PCDHGB6: variants seen among roughly 807,000 people sequenced by gnomAD.
The protein encoded by PCDHGB6 is protocadherin gamma subfamily B, 6, also known as protocadherin gamma-B6.
A neutral mutation model predicts 59.1 loss-of-function variants in PCDHGB6; 51 were observed. The observed-to-expected ratio is 0.86, with a 90% confidence interval of 0.69 to 1.09. The LOEUF is 1.09. Ranked by LOEUF, PCDHGB6 falls within the 50% of genes least tolerant of loss-of-function variation. PCDHGB6 has a pLI of 0.00. For synonymous variants in PCDHGB6, 466 were observed against 495.1 expected, an observed-to-expected ratio of 0.94 and a Z score of 0.78; for missense variants, 1,148 against 1,205.1, an observed-to-expected ratio of 0.95 and a Z score of 0.70.
At chr5:141,505,827 TCA>T (rs1197972266) in intron 3 of PCDHGB6, among the ~76,000 whole-genome samples, 4 of 152,072 alleles carry the variant, frequency 2.6e-5, no homozygotes, top group South Asian at 4.1e-4. Context: ...TCTCTAAACC[TCA>T]GTTTCCTCAG....
rs1046764113 is a variant in PCDHGB6, at chr5:141,495,395, G to A, written c.2477+530G>A. Among the ~76,000 whole-genome samples the A allele has an allele frequency of 4.1e-4, 62 of 152,326 alleles. 1 individual carries two copies. The highest frequency in any genetic ancestry group is 1.4e-3 in the African/African-American group (57 of 41,576). On this transcript the variant is annotated intron_variant, in intron 2 of 3. Transcript: ENST00000520790. Reference sequence around the variant, plus strand: ...GAGGAAGGACTGGGCGGGGCATGGAGCAGGCCCCCTTCTCCGGCCCCTCCT... The same window carrying A: ...GAGGAAGGACTGGGCGGGGCATGGAACAGGCCCCCTTCTCCGGCCCCTCCT...
At chr5:141,446,035 A>G (rs1300621298) in intron 1 of PCDHGB6, among the ~76,000 whole-genome samples, 1 of 152,222 alleles carries the variant, frequency 6.6e-6, no homozygotes, top group Non-Finnish European at 1.5e-5. Context: ...CTGGTAAGAA[A>G]TGGAAGAAGA....
chr5:141,425,943 C>T (rs2096904576), intron 1 of PCDHGB6, among the ~76,000 whole-genome samples: 1 of 152,220 alleles, frequency 6.6e-6, no homozygotes, highest in African/African-American at 2.4e-5. Flanking sequence ...TGTCTAGTTT[C>T]CTATACATTA....
At chr5:141,433,640 A>C (rs2097637476) in intron 1 of PCDHGB6, among the ~76,000 whole-genome samples, 2 of 152,138 alleles carry the variant, frequency 1.3e-5, no homozygotes, top group South Asian at 2.1e-4. Flanking sequence ...GTTTGAGACC[A>C]GCCTGACCAA....
Position 141,475,871 on chromosome 5 carries a change from A to C in PCDHGB6, c.2419-18936A>C, listed in dbSNP as rs568810142. 35 of 513,270 alleles carry C rather than the reference A, an allele frequency of 6.8e-5. No individual in the cohort carries two copies. The East Asian group carries it at 1.1e-3, about 16-fold the overall frequency. The allele number at this position is 513,270 out of a possible 1,614,324, so 31.8% of individuals were successfully genotyped here. The stretch of plus-strand genomic sequence containing the variant: ...CCCGGCGCTAGCTCATTCTTCGTGC[A>C]GTTATTGGCTGGGACTCTGTGTGCC... On this transcript the variant is annotated intron_variant, in intron 1 of 3. Transcript: ENST00000520790.
intron 1 of PCDHGB6, among the ~76,000 whole-genome samples, chr5:141,451,542 G>A (rs1023356681): frequency 3.3e-5 from 5 of 152,148 alleles, no homozygotes; most frequent in Non-Finnish European, 7.3e-5. Context: ...GCCAGAGAGG[G>A]CAAATGTGAT....
chr5:141,413,485 G>C lies in PCDHGB6; in HGVS notation c.2418+2865G>C, dbSNP rs184712199. ...CCGGGAGGAGCTCTGCGCTCAGAGC[G>C]CGCGGTGCGTGGTGAGTTTTAATAT... is the stretch of plus-strand genomic sequence containing the variant. On this transcript the variant is annotated intron_variant, in intron 1 of 3. Coordinates refer to ENST00000520790, the MANE Select transcript of PCDHGB6 (RefSeq NM_018926.3). 439 of 1,614,058 alleles carry C rather than the reference G, an allele frequency of 2.7e-4. 1 individual carries two copies. In the African/African-American group the frequency reaches 4.6e-3, roughly 17 times the overall value.
intron 1 of PCDHGB6, 115 bp from the exon 2 acceptor site, chr5:141,494,692 C>G: frequency 6.3e-7 from 1 of 1,581,934 alleles, no homozygotes; most frequent in South Asian, 1.1e-5. Context: ...CCTCTTAGTC[C>G]GTTTTCTTCT....
intron 1 of PCDHGB6, chr5:141,422,727 G>T (rs373180311): frequency 6.3e-5 from 102 of 1,606,434 alleles, no homozygotes; most frequent in Non-Finnish European, 2.0e-5. Context: ...TCCAGGGGGT[G>T]CCTCTGTCCT....
chr5:141,485,340 C>A lies in PCDHGB6; in HGVS notation c.2419-9467C>A. 1 of 1,614,076 alleles carries A rather than the reference C, an allele frequency of 6.2e-7. No individual in the cohort carries two copies. On this transcript the variant is annotated intron_variant, in intron 1 of 3. Transcript: ENST00000520790. The surrounding 1 kb of genome is among the most constrained non-coding windows in gnomAD (Gnocchi z 5.7). ...GTCGCTCAAGATTTCCTGCTGGATA[C>A]GGACAGTCTGTCAGCTCGCAGGCTG...
At chr5:141,419,751 C>T (rs140649685) in intron 1 of PCDHGB6, 1 of 1,613,900 alleles carries the variant, frequency 6.2e-7, no homozygotes, top group African/African-American at 1.3e-5. Flanking sequence ...ATGGTGCGTG[C>T]TTTGGGTGAC....
At position 141,409,535 on chromosome 5, in the gene PCDHGB6, A is replaced by G. The variant is rs745624722; in HGVS notation, c.1333A>G (p.Ile445Val). 5 of 1,613,894 alleles carry G rather than the reference A, an allele frequency of 3.1e-6. No homozygotes were observed. The African/African-American group carries it at 4.0e-5, about 13-fold the overall frequency. ...AAGCATCACCTTGTATGTCGCTGAC[A>G]TCAACGACAACGCCCCAGTTTTCGA... ...SRSITLYVAD[I>V]NDNAPVFDQT... Residue 445 changes from isoleucine (I) to valine (V), a missense_variant, in exon 1 of 4, where the codon ATC becomes GTC. By Grantham distance (29) the Ile-to-Val change is conservative. Around this residue, in one of 5 missense-constraint regions of PCDHGB6, gnomAD observed 549 missense variants for 527.5 expected, o/e 1.04. Coordinates refer to ENST00000520790, the MANE Select transcript of PCDHGB6 (RefSeq NM_018926.3).
intron 1 of PCDHGB6, chr5:141,423,700 G>A (rs753612385): frequency 7.5e-7 from 1 of 1,324,816 alleles, no homozygotes; most frequent in Non-Finnish European, 9.8e-7. Context: ...TTGGTGTCTT[G>A]GCACAAGTCT....
rs115262984 is a variant in PCDHGB6 at position 141,463,089 on chromosome 5, C to T, written c.2419-31718C>T. ...AATGAAATTCAAACATTTTCCAGCC[C>T]TATGTGACCATCAAGAATTCAGCTA... On this transcript the variant is annotated intron_variant, in intron 1 of 3. Coordinates refer to ENST00000520790, the MANE Select transcript of PCDHGB6 (RefSeq NM_018926.3). Among the ~76,000 whole-genome samples the T allele has an allele frequency of 2.5e-3, 374 of 152,264 alleles. 2 individuals are homozygous for T. Among genetic ancestry groups the T allele is most frequent in the African/African-American group, 8.7e-3 (360 of 41,552 alleles).
intron 1 of PCDHGB6, among the ~76,000 whole-genome samples, chr5:141,483,340 C>T (rs906468552): frequency 5.9e-5 from 9 of 152,036 alleles, no homozygotes; most frequent in Non-Finnish European, 1.2e-4. Flanking sequence ...GATCTTATCT[C>T]TTTGCAATAG....
intron 1 of PCDHGB6, chr5:141,414,822 C>A: frequency 6.2e-7 from 1 of 1,614,240 alleles, no homozygotes; most frequent in Non-Finnish European, 8.5e-7. Context: ...TCAGCAGCAA[C>A]GTGTCGTTGA....
At position 141,471,885 on chromosome 5, in the gene PCDHGB6, A is replaced by G. The variant is rs180968509; in HGVS notation, c.2419-22922A>G. ...ACTGTGGTTGCCTGAGGCTGAAGCT[A>G]GGAAGATTGACTACAGACAAGCATG... On this transcript the variant is annotated intron_variant, in intron 1 of 3. Transcript: ENST00000520790. Among the ~76,000 whole-genome samples the G allele has an allele frequency of 1.9e-3, 294 of 152,338 alleles. 1 individual carries two copies. Among genetic ancestry groups the G allele is most frequent in the Middle Eastern group, 0.017 (5 of 294 alleles).
intron 1 of PCDHGB6, among the ~76,000 whole-genome samples, chr5:141,466,994 T>C (rs944607423): frequency 6.6e-6 from 1 of 152,176 alleles, no homozygotes; most frequent in African/African-American, 2.4e-5. Flanking sequence ...CTTTTGGCAT[T>C]TTTTTGCAAT....
chr5:141,418,980 A>T, intron 1 of PCDHGB6: 1 of 1,614,004 alleles, frequency 6.2e-7, no homozygotes. Flanking sequence ...ACACGGGACC[A>T]AGACTCAGGG....
Sources: gnomAD v4.1 joint callset for allele counts (sites outside exome capture counted in the v4.1 genomes callset) on GRCh38, gnomAD v4.1.1 for gene constraint, gnomAD v4.1.1 regional missense constraint, Gnocchi (gnomAD v3.1) non-coding constraint, MANE v1.5 for transcripts, NCBI Gene and HGNC (gene_info 2026-07-23, HGNC 2026-07-21) for gene names.